Variants in LYPD6 observed in about 807,000 individuals in gnomAD.
LYPD6 encodes the protein ly6/PLAUR domain-containing protein 6.
In LYPD6, 15 loss-of-function variants were observed where a neutral mutation model predicts 22.7. The ratio of observed to expected loss-of-function variants is 0.66; its 90% confidence interval spans 0.44 to 1.02. LYPD6 has a LOEUF of 1.02. Among genes scored for constraint, LYPD6 ranks in the 50% least tolerant of loss-of-function variants. The pLI, the probability that LYPD6 is intolerant of heterozygous loss-of-function variation, is 0.00. For missense variants in LYPD6, 189 were observed against 208.4 expected, an observed-to-expected ratio of 0.91 and a Z score of 0.57; for synonymous variants, 72 against 77.5, an observed-to-expected ratio of 0.93 and a Z score of 0.37.
intron 1 of LYPD6, among the ~76,000 whole-genome samples, chr2:149,414,609 C>G: frequency 6.6e-6 from 1 of 152,128 alleles, no homozygotes; most frequent in East Asian, 1.9e-4. Context: ...AACTCTTATA[C>G]AAATCTGAAC....
chr2:149,478,823 C>A (rs1422217300), downstream of LYPD6, among the ~76,000 whole-genome samples: 2 of 152,132 alleles, frequency 1.3e-5, no homozygotes, highest in East Asian at 1.9e-4. Flanking sequence ...GGGCACTTCA[C>A]CCCTGGTACT....
rs548507005 is a variant in LYPD6, at chr2:149,383,613, A to G, written c.-72+52891A>G. Among the ~76,000 whole-genome samples the G allele has an allele frequency of 9.8e-4, 149 of 152,310 alleles. 4 individuals carry two copies. In the South Asian group the frequency reaches 0.03, roughly 31 times the overall value. On this transcript the variant is annotated intron_variant, in intron 1 of 4. Transcript: ENST00000334166. Reference sequence around the variant, plus strand: ...AGAGAAACATTCATCTTACTGAGTCATTATGGGTCAAAGCCTTCCATGTAC... The same window carrying G: ...AGAGAAACATTCATCTTACTGAGTCGTTATGGGTCAAAGCCTTCCATGTAC...
At chr2:149,385,824 A>AG (rs1268248546) in intron 1 of LYPD6, among the ~76,000 whole-genome samples, 1 of 152,174 alleles carries the variant, frequency 6.6e-6, no homozygotes, top group Admixed American at 6.5e-5. Flanking sequence ...GGGGCAGAGA[A>AG]GGAGAGAGGC....
chr2:149,392,402 A>T (rs1234371143), intron 1 of LYPD6, among the ~76,000 whole-genome samples: 4 of 152,148 alleles, frequency 2.6e-5, no homozygotes, highest in African/African-American at 9.7e-5. Context: ...GGCACAATCA[A>T]CAAGGTTATA....
intron 2 of LYPD6, among the ~76,000 whole-genome samples, chr2:149,441,291 C>T (rs773888259): frequency 6.6e-6 from 1 of 152,200 alleles, no homozygotes; most frequent in Non-Finnish European, 1.5e-5. Flanking sequence ...GAATGAGCCA[C>T]ATTTCATTAA....
At chr2:149,405,305 A>T (rs2105114272) in intron 1 of LYPD6, among the ~76,000 whole-genome samples, 1 of 152,182 alleles carries the variant, frequency 6.6e-6, no homozygotes, top group Non-Finnish European at 1.5e-5. Flanking sequence ...TTTCAGAAGC[A>T]ATGGTACCAG....
intron 1 of LYPD6, among the ~76,000 whole-genome samples, chr2:149,367,500 T>C (rs2105074160): frequency 6.6e-6 from 1 of 152,262 alleles, no homozygotes; most frequent in South Asian, 2.1e-4. Context: ...GGGCAGGAGA[T>C]TACACAAGCG....
intron 2 of LYPD6, among the ~76,000 whole-genome samples, chr2:149,443,582 A>G (rs1683615012): frequency 6.6e-6 from 1 of 152,302 alleles, no homozygotes; most frequent in African/African-American, 2.4e-5. Flanking sequence ...AGTTGTTTAT[A>G]TATTAAGTAT....
At chr2:149,349,026 G>A (rs1681312431) in intron 1 of LYPD6, among the ~76,000 whole-genome samples, 1 of 152,174 alleles carries the variant, frequency 6.6e-6, no homozygotes, top group Non-Finnish European at 1.5e-5. Context: ...GGGTGGGGCT[G>A]TCATTTACTG....
At chr2:149,430,934 G>A (rs1043469036) in intron 1 of LYPD6, among the ~76,000 whole-genome samples, 2 of 152,086 alleles carry the variant, frequency 1.3e-5, no homozygotes, top group Non-Finnish European at 2.9e-5. Flanking sequence ...ATATTGTCTA[G>A]TACCATCCAC....
intron 3 of LYPD6, among the ~76,000 whole-genome samples, chr2:149,467,833 A>G (rs563718795): frequency 6.6e-6 from 1 of 152,222 alleles, no homozygotes; most frequent in African/African-American, 2.4e-5. Context: ...TACATTGACA[A>G]AGCCATTTTT....
At chr2:149,390,108 G>A (rs1305302844) in intron 1 of LYPD6, among the ~76,000 whole-genome samples, 1 of 152,214 alleles carries the variant, frequency 6.6e-6, no homozygotes, top group Non-Finnish European at 1.5e-5. Context: ...TAGATATTCT[G>A]TACAGGTAGT....
At position 149,393,301 on chromosome 2, in the gene LYPD6, TCCATTTAAAA is replaced by T. The variant is rs542743731; in HGVS notation, c.-71-44334_-71-44325del. ...GAGGGCTGATTTAGCTCGAAGAGGGTCCATTTAAAACCTATTCTTGTGTTCCCATCATTTT... is the reference window on the plus strand; with the variant it reads ...GAGGGCTGATTTAGCTCGAAGAGGGTCCTATTCTTGTGTTCCCATCATTTT... On this transcript the variant is annotated intron_variant, in intron 1 of 4. Transcript: ENST00000334166. Among the ~76,000 whole-genome samples the T allele has an allele frequency of 6.5e-4, 99 of 152,236 alleles. No homozygotes were observed. In the East Asian group the frequency reaches 0.018, roughly 28 times the overall value.
the LYPD6 span, among the ~76,000 whole-genome samples, chr2:149,479,893 A>T: frequency 6.6e-6 from 1 of 152,116 alleles, no homozygotes; most frequent in Non-Finnish European, 1.5e-5. Flanking sequence ...GTGGAAAACA[A>T]TGCCCTCTCT....
chr2:149,400,220 TG>T (rs762007951), intron 1 of LYPD6, among the ~76,000 whole-genome samples: 2 of 152,238 alleles, frequency 1.3e-5, no homozygotes, highest in Non-Finnish European at 2.9e-5. Context: ...GAGCACTTCT[TG>T]CCACTTATTC....
rs530886219 is a variant in LYPD6 at position 149,413,834 on chromosome 2, G to C, written c.-71-23804G>C. Reference sequence around the variant, plus strand: ...GGTTTTGGGGAAGAAGAAGGGAAGAGGTATAGAGAACAATTACCAAGTCTA... The same window carrying C: ...GGTTTTGGGGAAGAAGAAGGGAAGACGTATAGAGAACAATTACCAAGTCTA... On this transcript the variant is annotated intron_variant, in intron 1 of 4. Transcript: ENST00000334166. Among the ~76,000 whole-genome samples the C allele has an allele frequency of 1.3e-3, 191 of 152,308 alleles. 1 individual carries two copies. The highest frequency in any genetic ancestry group is 2.5e-3 in the Non-Finnish European group (167 of 68,028).
chr2:149,379,894 CA>C lies in LYPD6; in HGVS notation c.-72+49174del, dbSNP rs1167954160. Among the ~76,000 whole-genome samples the C allele has an allele frequency of 3.9e-5, 6 of 152,034 alleles. No homozygotes were observed. The East Asian group carries it at 1.2e-3, about 29-fold the overall frequency. On this transcript the variant is annotated intron_variant, in intron 1 of 4. Coordinates refer to ENST00000334166, the MANE Select transcript of LYPD6 (RefSeq NM_194317.5). Reference sequence around the variant, plus strand: ...CAGCATGGGTGAAACTGACAGTGAGCAAGATAAATCAGTAAACAACAGTAGA... The same window carrying C: ...CAGCATGGGTGAAACTGACAGTGAGCAGATAAATCAGTAAACAACAGTAGA...
chr2:149,464,115 A>T (rs1363576900), intron 3 of LYPD6: 2 of 99,828 alleles, frequency 2.0e-5, no homozygotes, highest in Admixed American at 2.1e-4. Flanking sequence ...GGTTAAATTA[A>T]AAAAAAAAAA....
the LYPD6 span, among the ~76,000 whole-genome samples, chr2:149,480,755 G>A: frequency 6.6e-5 from 10 of 152,198 alleles, no homozygotes; most frequent in African/African-American, 2.4e-4. Flanking sequence ...GCAGCCCTCT[G>A]ATAGTAGTCC....
Sources: gnomAD v4.1 joint callset for allele counts (sites outside exome capture counted in the v4.1 genomes callset) on GRCh38, gnomAD v4.1.1 for gene constraint, MANE v1.5 for transcripts, NCBI Gene and HGNC (gene_info 2026-07-23, HGNC 2026-07-21) for gene names.